GRIK5: variants seen among roughly 807,000 people sequenced by gnomAD.
The protein encoded by GRIK5 is glutamate ionotropic receptor kainate type subunit 5, also known as glutamate receptor ionotropic, kainate 5.
GRIK5 carries 43 observed loss-of-function variants against 97.4 expected under a neutral mutation model. The observed-to-expected ratio is 0.44, with a 90% CI of 0.35 to 0.57. The LOEUF (loss-of-function observed/expected upper bound fraction) is 0.57. Ranked by LOEUF, GRIK5 falls within the 20% of genes least tolerant of loss-of-function variation. The pLI is 0.01. For synonymous variants in GRIK5, 580 were observed against 583.5 expected, an observed-to-expected ratio of 0.99 and a Z score of 0.09; for missense variants, 1,015 against 1,382.0, an observed-to-expected ratio of 0.73 and a Z score of 4.21.
chr19:42,003,307 C>T lies in GRIK5; in HGVS notation c.2514+25G>A, dbSNP rs1555871466. The T allele has an allele frequency of 1.5e-6, 2 of 1,339,236 alleles. No homozygotes were observed. The highest frequency in any genetic ancestry group is 1.4e-5 in the African/African-American group (1 of 69,410). 83.0% of individuals were successfully genotyped at this position (1,339,236 alleles called of 1,614,324 possible). A position where few individuals can be genotyped will look rare whatever the true frequency, so the allele number is the denominator to read the frequency against. On this transcript the variant is annotated intron_variant, in intron 19 of 19. Transcript: ENST00000593562. The surrounding 1 kb of genome is among the most constrained non-coding windows in gnomAD (Gnocchi z 4.2). Reference sequence around the variant, plus strand: ...AGCCCCTGGGGGTCCCTGTTCCTGCCCACCCCCACCCCCAGCCTCCTCACC... The same window carrying T: ...AGCCCCTGGGGGTCCCTGTTCCTGCTCACCCCCACCCCCAGCCTCCTCACC...
At chr19:42,054,256 A>G in intron 9 of GRIK5, 64 bp downstream of exon 9, 1 of 1,528,742 alleles carries the variant, frequency 6.5e-7, no homozygotes, top group East Asian at 2.3e-5. Context: ...GGGTGGTCAC[A>G]GTGAGCGCTC....
At chr19:42,027,359 G>A (rs933705021) in intron 12 of GRIK5, among the ~76,000 whole-genome samples, 1 of 152,210 alleles carries the variant, frequency 6.6e-6, no homozygotes, top group African/African-American at 2.4e-5. Flanking sequence ...TAGGGGGAAG[G>A]TTCCAGGCTG....
intron 11 of GRIK5, among the ~76,000 whole-genome samples, chr19:42,044,540 G>C (rs1402691051): frequency 1.3e-5 from 2 of 152,156 alleles, no homozygotes; most frequent in Non-Finnish European, 2.9e-5. Flanking sequence ...GTAACAAATG[G>C]GAAACTTATC....
chr19:42,068,090 AAG>A (rs2076363600), intron 1 of GRIK5, among the ~76,000 whole-genome samples: 1 of 152,142 alleles, frequency 6.6e-6, no homozygotes, highest in Non-Finnish European at 1.5e-5. Flanking sequence ...GCCAGTCGGA[AAG>A]AGAGACAGTA....
chr19:42,018,695 G>T (rs149981255), intron 15 of GRIK5, among the ~76,000 whole-genome samples: 492 of 38,228 alleles, frequency 0.013, 5 homozygotes, highest in Middle Eastern at 0.043. Flanking sequence ...GGGAGGAAAA[G>T]AAACGTTAAC....
intron 5 of GRIK5, 137 bp from the exon 6 acceptor site, chr19:42,059,664 TG>T: frequency 1.5e-6 from 1 of 681,648 alleles, no homozygotes; most frequent in South Asian, 2.1e-5. Context: ...CTGGGTCCCA[TG>T]GGGTAATGGG....
At position 42,006,496 on chromosome 19, in the gene GRIK5, C is replaced by G; in HGVS notation, c.2037+149G>C. The G allele has an allele frequency of 2.9e-6, 2 of 684,406 alleles. No individual in the cohort carries two copies. Among genetic ancestry groups the G allele is most frequent in the Non-Finnish European group, 5.0e-6 (2 of 398,646 alleles). 42.4% of individuals were successfully genotyped at this position (684,406 alleles called of 1,614,324 possible). A position where few individuals can be genotyped will look rare whatever the true frequency, so the allele number is the denominator to read the frequency against. On this transcript the variant is annotated intron_variant, in intron 16 of 19. Transcript: ENST00000593562. This position sits in a 1 kb window ranked among gnomAD's most constrained non-coding sequence, Gnocchi z 5.3. Reference sequence around the variant, plus strand: ...AGCCAGCCAGCTGCGAGCCCCATGACAGCACATGTGTGTTTTCTGCTCCCC... The same window carrying G: ...AGCCAGCCAGCTGCGAGCCCCATGAGAGCACATGTGTGTTTTCTGCTCCCC...
rs576182959 is a variant in GRIK5 at position 42,022,490 on chromosome 19, G to A, written c.1474-136C>T. 1.0e-5 allele frequency: 15 copies of A among 1,468,542 alleles called. No homozygotes were observed. The highest frequency in any genetic ancestry group is 1.8e-6 in the Non-Finnish European group (2 of 1,111,634). 91.0% of individuals were successfully genotyped at this position (1,468,542 alleles called of 1,614,324 possible). ...AGAGGTAGGGAGGGGGAGGGGCCAG[G>A]AGCATGGACTGACTCCAGGAGCCCA... On this transcript the variant is annotated intron_variant, in intron 12 of 19. Coordinates refer to ENST00000593562, the MANE Select transcript of GRIK5 (RefSeq NM_002088.5). The surrounding 1 kb of genome is among the most constrained non-coding windows in gnomAD (Gnocchi z 4.2).
chr19:42,044,194 G>A (rs1468879353), intron 11 of GRIK5, among the ~76,000 whole-genome samples: 1 of 152,160 alleles, frequency 6.6e-6, no homozygotes, highest in Non-Finnish European at 1.5e-5. Context: ...TGCTATGATT[G>A]TAAATTTCCC....
In GRIK5 at chr19:42,062,547, G is replaced by A. The variant is rs747382185; in HGVS notation, c.449C>T (p.Ser150Phe). The change falls in exon 5 of 20, where the codon TCC becomes TTC. Residue 150 changes from serine to phenylalanine, a missense_variant. Ser to Phe is a radical substitution (Grantham distance 155). Transcript: ENST00000593562. This position sits in a 1 kb window ranked among gnomAD's most constrained non-coding sequence, Gnocchi z 5.3. The part of the protein sequence containing the change: ...PSNEDVSLAV[S>F]RILKSFNYPS... Reference sequence around the variant, plus strand: ...GTAGTTGAAGGACTTGAGGATTCGGGAGACCGCCAAGCTGACGTCCTCGTT... The same window carrying A: ...GTAGTTGAAGGACTTGAGGATTCGGAAGACCGCCAAGCTGACGTCCTCGTT... 1.2e-6 allele frequency: 2 copies of A among 1,614,186 alleles called. No homozygotes were observed. Among genetic ancestry groups the A allele is most frequent in the Non-Finnish European group, 1.7e-6 (2 of 1,180,028 alleles).
chr19:42,036,628 T>A (rs538274006), intron 12 of GRIK5, among the ~76,000 whole-genome samples: 2 of 152,230 alleles, frequency 1.3e-5, no homozygotes, highest in African/African-American at 4.8e-5. Flanking sequence ...AGTACTGGGA[T>A]TACAGGCGTA....
chr19:42,022,736 G>T lies in GRIK5; in HGVS notation c.1474-382C>A. 1 of 846,622 alleles carries T rather than the reference G, an allele frequency of 1.2e-6. No homozygotes were observed. The highest frequency in any genetic ancestry group is 1.4e-6 in the Non-Finnish European group (1 of 703,474). The allele number at this position is 846,622 out of a possible 1,614,324, so 52.4% of individuals were successfully genotyped here. On this transcript the variant is annotated intron_variant, in intron 12 of 19. Transcript: ENST00000593562. This position sits in a 1 kb window ranked among gnomAD's most constrained non-coding sequence, Gnocchi z 4.2. ...GACTGACAGCACTCGAGATAATACA[G>T]GCCCGGACAGAACACAGAGCAGGGA...
intron 8 of GRIK5, 124 bp from the exon 9 acceptor site, chr19:42,054,596 C>A: frequency 9.1e-7 from 1 of 1,101,398 alleles, no homozygotes; most frequent in East Asian, 2.6e-5. Context: ...GAATGGGAAA[C>A]TGGGTGGGTC....
chr19:42,034,479 T>G (rs926036679), intron 12 of GRIK5, among the ~76,000 whole-genome samples: 2 of 152,168 alleles, frequency 1.3e-5, no homozygotes, highest in African/African-American at 4.8e-5. Flanking sequence ...CCCTCACTTT[T>G]TCCCCTCAAC....
At chr19:42,023,671 G>A (rs181273001) in intron 12 of GRIK5, among the ~76,000 whole-genome samples, 16 of 152,286 alleles carry the variant, frequency 1.1e-4, no homozygotes, top group African/African-American at 3.9e-4. Context: ...GCCATGCCTC[G>A]GGCCAGACAC....
At chr19:42,007,759 A>G (rs1013910415) in intron 15 of GRIK5, among the ~76,000 whole-genome samples, 29 of 152,162 alleles carry the variant, frequency 1.9e-4, no homozygotes, top group African/African-American at 7.0e-4. Flanking sequence ...GAGTTGACAC[A>G]GGGCTGAGAG....
Position 42,021,543 on chromosome 19 carries a change from A to G in GRIK5, c.1698-69T>C. On this transcript the variant is annotated intron_variant, in intron 14 of 19. Coordinates refer to ENST00000593562, the MANE Select transcript of GRIK5 (RefSeq NM_002088.5). The surrounding 1 kb of genome is among the most constrained non-coding windows in gnomAD (Gnocchi z 4.2). ...GTGGGGAGGAAAAGGAAAGAAGCAA[A>G]GGAAAGTCACAGTGATCAGAAGAAA... 2 of 1,330,012 alleles carry G rather than the reference A, an allele frequency of 1.5e-6. No individual in the cohort carries two copies. Among genetic ancestry groups the G allele is most frequent in the Non-Finnish European group, 2.0e-6 (2 of 989,316 alleles). 82.4% of individuals were successfully genotyped at this position (1,330,012 alleles called of 1,614,324 possible). A position where few individuals can be genotyped will look rare whatever the true frequency, so the allele number is the denominator to read the frequency against.
chr19:42,041,953 T>C (rs940725180), intron 12 of GRIK5, among the ~76,000 whole-genome samples: 2 of 152,108 alleles, frequency 1.3e-5, no homozygotes, highest in African/African-American at 2.4e-5. Flanking sequence ...ATTCACTGTC[T>C]TGCGCCCCAA....
intron 19 of GRIK5, among the ~76,000 whole-genome samples, chr19:42,000,002 C>T (rs926199362): frequency 3.9e-5 from 6 of 152,240 alleles, no homozygotes; most frequent in Admixed American, 3.3e-4. Flanking sequence ...CGGGCAGGGC[C>T]GAAATGCCCA....
Sources: allele counts gnomAD v4.1 joint callset (sites outside exome capture counted in the v4.1 genomes callset), GRCh38; gene constraint gnomAD v4.1.1; non-coding constraint Gnocchi (gnomAD v3.1); transcripts MANE v1.5; gene names NCBI Gene and HGNC (gene_info 2026-07-23, HGNC 2026-07-21).